LIMS2: variants seen among roughly 807,000 people sequenced by gnomAD.
The protein encoded by LIMS2 is LIM zinc finger domain containing 2, also known as LIM and senescent cell antigen-like-containing domain protein 2.
LIMS2 carries 30 observed loss-of-function variants against 45.3 expected under a neutral mutation model. That is an observed-to-expected ratio of 0.66 (90% confidence interval 0.50 to 0.90). The LOEUF (loss-of-function observed/expected upper bound fraction) is 0.90. Ranked by LOEUF, LIMS2 falls within the 40% of genes least tolerant of loss-of-function variation. The pLI is 0.00. For missense variants in LIMS2, 485 were observed against 468.7 expected, an observed-to-expected ratio of 1.03 and a Z score of -0.32; for synonymous variants, 173 against 188.0, an observed-to-expected ratio of 0.92 and a Z score of 0.65.
upstream of LIMS2, among the ~76,000 whole-genome samples, chr2:127,677,205 C>A (rs1386828399): frequency 1.3e-5 from 2 of 152,214 alleles, no homozygotes; most frequent in African/African-American, 4.8e-5. This position sits in a 1 kb window ranked among gnomAD's most constrained non-coding sequence, Gnocchi z 5.0. Flanking sequence ...CACATTCACA[C>A]ACTTATCCAC....
At position 127,642,408 on chromosome 2, in the gene LIMS2, AGAGTGG is replaced by A; in HGVS notation, c.510-215_510-210del. The A allele has an allele frequency of 3.7e-6, 2 of 533,466 alleles. No homozygotes were observed. Among genetic ancestry groups the A allele is most frequent in the East Asian group, 3.2e-5 (1 of 31,518 alleles). The allele number at this position is 533,466 out of a possible 1,614,324, so 33.0% of individuals were successfully genotyped here. A position where few individuals can be genotyped will look rare whatever the true frequency, so the allele number is the denominator to read the frequency against. ...GCACAGACTTCCTGCACAGCCCAGA[AGAGTGG>A]GCTGTGTTCTGCACCCAGGCCTCTG... On this transcript the variant is annotated intron_variant, in intron 5 of 9. Coordinates refer to ENST00000355119, the MANE Select transcript of LIMS2 (RefSeq NM_001161403.3). The surrounding 1 kb of genome is among the most constrained non-coding windows in gnomAD (Gnocchi z 5.3).
At chr2:127,649,309 G>C (rs1411524863) in intron 4 of LIMS2, among the ~76,000 whole-genome samples, 1 of 152,198 alleles carries the variant, frequency 6.6e-6, no homozygotes, top group African/African-American at 2.4e-5. Context: ...TGCCAGGGCT[G>C]TGGCCCGTGC....
chr2:127,673,474 G>T (rs1045195358), intron 1 of LIMS2, among the ~76,000 whole-genome samples: 6 of 152,146 alleles, frequency 3.9e-5, no homozygotes, highest in African/African-American at 1.4e-4. Context: ...ACCCCTGCTC[G>T]CCACCACCTG....
rs60864320 is a variant in LIMS2 at position 127,652,330 on chromosome 2, C to T, written c.359+2094G>A. 30 of 173,694 alleles carry T rather than the reference C, an allele frequency of 1.7e-4. No homozygotes were observed. The East Asian group carries it at 5.4e-3, about 31-fold the overall frequency. The allele number at this position is 173,694 out of a possible 1,614,324, so 10.8% of individuals were successfully genotyped here. Reference sequence around the variant, plus strand: ...AGCGGACGTCAGCACTCACGGCCTGCAGGGACTCAGCACAGCTCTGGATTC... The same window carrying T: ...AGCGGACGTCAGCACTCACGGCCTGTAGGGACTCAGCACAGCTCTGGATTC... On this transcript the variant is annotated intron_variant, in intron 4 of 9. Transcript: ENST00000355119.
intron 9 of LIMS2, among the ~76,000 whole-genome samples, 158 bp from the exon 10 acceptor site, chr2:127,639,586 G>C (rs558093748): frequency 3.9e-4 from 59 of 152,228 alleles, no homozygotes; most frequent in African/African-American, 1.2e-3. Flanking sequence ...AGAGAGCATA[G>C]GGATGAGAAG....
Position 127,647,057 on chromosome 2 carries a change from C to T in LIMS2, c.360-3985G>A, listed in dbSNP as rs1047397486. On this transcript the variant is annotated intron_variant, in intron 4 of 9. Coordinates refer to ENST00000355119, the MANE Select transcript of LIMS2 (RefSeq NM_001161403.3). The surrounding 1 kb of genome is among the most constrained non-coding windows in gnomAD (Gnocchi z 4.3). ...AGGGCAGTGCCCAGGCTGAGGCCCC[C>T]GGGCTGGAGGCAGGAGGCACCACAG... Among the ~76,000 whole-genome samples the T allele has an allele frequency of 1.3e-5, 2 of 152,020 alleles. No homozygotes were observed. The highest frequency in any genetic ancestry group is 2.9e-5 in the Non-Finnish European group (2 of 67,970).
At chr2:127,649,043 AAGAG>A (rs199914025) in intron 4 of LIMS2, among the ~76,000 whole-genome samples, 1 of 68,272 alleles carries the variant, frequency 1.5e-5, no homozygotes, top group African/African-American at 4.3e-5. Flanking sequence ...AAAAGAAAGA[AAGAG>A]AAAAGAAGAA....
rs1271298242 is a variant in LIMS2 at position 127,649,264 on chromosome 2, C to T, written c.359+5160G>A. ...TGCTGCAGGCAGGACCCCGGCTGTTCGGTGCAGAGCCAGGCTCGCCCAGGA... is the reference window on the plus strand; with the variant it reads ...TGCTGCAGGCAGGACCCCGGCTGTTTGGTGCAGAGCCAGGCTCGCCCAGGA... On this transcript the variant is annotated intron_variant, in intron 4 of 9. Transcript: ENST00000355119. Among the ~76,000 whole-genome samples, 7 of 151,962 alleles carry T rather than the reference C, an allele frequency of 4.6e-5. No homozygotes were observed. In the South Asian group the frequency reaches 1.0e-3, roughly 23 times the overall value.
chr2:127,677,541 A>G (rs1340325898), upstream of LIMS2, among the ~76,000 whole-genome samples: 4 of 152,166 alleles, frequency 2.6e-5, no homozygotes, highest in African/African-American at 4.8e-5. The surrounding 1 kb of genome is among the most constrained non-coding windows in gnomAD (Gnocchi z 5.0). Context: ...CTGAGGTGAC[A>G]TGAGCTTGGG....
At chr2:127,669,419 AT>A (rs548733544) in intron 1 of LIMS2, among the ~76,000 whole-genome samples, 6 of 152,320 alleles carry the variant, frequency 3.9e-5, no homozygotes, top group Middle Eastern at 3.4e-3. Flanking sequence ...AAAGGAAAAA[AT>A]ATTTGTAAAT....
intron 1 of LIMS2, among the ~76,000 whole-genome samples, chr2:127,658,367 AG>A (rs1486755402): frequency 1.3e-5 from 2 of 152,250 alleles, no homozygotes; most frequent in Admixed American, 6.5e-5. Flanking sequence ...CCTGGGCAAC[AG>A]AGCAAGACCC....
intron 2 of LIMS2, 114 bp from the exon 3 acceptor site, chr2:127,655,010 C>T: frequency 1.0e-6 from 1 of 973,254 alleles, no homozygotes. Flanking sequence ...GAGGCAGGGG[C>T]ATGCCGGGCT....
At chr2:127,669,896 A>G (rs929636867) in intron 1 of LIMS2, among the ~76,000 whole-genome samples, 1 of 152,356 alleles carries the variant, frequency 6.6e-6, no homozygotes, top group Non-Finnish European at 1.5e-5. Context: ...AAAGATGCTC[A>G]ACATTATCAG....
In LIMS2 at chr2:127,653,350, C is replaced by G. The variant is rs555831304; in HGVS notation, c.359+1074G>C. 1.3e-5 allele frequency among the ~76,000 whole-genome samples: 2 copies of G among 152,314 alleles called. No individual in the cohort carries two copies. The highest frequency in any genetic ancestry group is 3.9e-4 in the East Asian group (2 of 5,188). ...CGCATGCAGAGGCAGCCTTGGTGGT[C>G]AGTGGAGGAGAATCCCAAACTGCTT... On this transcript the variant is annotated intron_variant, in intron 4 of 9. Transcript: ENST00000355119. This position sits in a 1 kb window ranked among gnomAD's most constrained non-coding sequence, Gnocchi z 5.3.
At chr2:127,660,648 T>C (rs1249667539) in intron 1 of LIMS2, among the ~76,000 whole-genome samples, 1 of 152,048 alleles carries the variant, frequency 6.6e-6, no homozygotes, top group Non-Finnish European at 1.5e-5. Context: ...ACTCCAGACA[T>C]ACAGTCTTGA....
At chr2:127,654,385 T>C in intron 4 of LIMS2, 39 bp downstream of exon 4, 1 of 1,613,218 alleles carries the variant, frequency 6.2e-7, no homozygotes, top group African/African-American at 1.3e-5. Flanking sequence ...CAGGAAGGGC[T>C]GTGGCCCAGT....
At chr2:127,670,883 G>A (rs775774004) in intron 1 of LIMS2, among the ~76,000 whole-genome samples, 4 of 152,208 alleles carry the variant, frequency 2.6e-5, no homozygotes, top group Admixed American at 1.3e-4. Flanking sequence ...TGAGTTTCCC[G>A]TGTATTCCTC....
intron 1 of LIMS2, among the ~76,000 whole-genome samples, chr2:127,662,851 G>C (rs143534092): frequency 3.9e-5 from 6 of 152,308 alleles, no homozygotes; most frequent in African/African-American, 1.4e-4. Flanking sequence ...TACACAAGAT[G>C]CATTGACACC....
At chr2:127,673,398 T>A (rs1685359058) in intron 1 of LIMS2, among the ~76,000 whole-genome samples, 1 of 152,194 alleles carries the variant, frequency 6.6e-6, no homozygotes, top group Non-Finnish European at 1.5e-5. Context: ...CTGACTGTCA[T>A]CCCTGTGTCA....
Sources: allele counts gnomAD v4.1 joint callset (sites outside exome capture counted in the v4.1 genomes callset), GRCh38; gene constraint gnomAD v4.1.1; non-coding constraint Gnocchi (gnomAD v3.1); transcripts MANE v1.5; gene names NCBI Gene and HGNC (gene_info 2026-07-23, HGNC 2026-07-21).